The following CD8B2 variants were observed in gnomAD, a reference collection of about 807,000 sequenced individuals.
CD8B2 encodes the protein CD8B family member 2.
CD8B2 carries 11 observed loss-of-function variants against 23.7 expected under a neutral mutation model. That is an observed-to-expected ratio of 0.46 (90% CI 0.29 to 0.77). The LOEUF (loss-of-function observed/expected upper bound fraction) is 0.77. CD8B2 is among the 30% of genes least tolerant of loss of function. CD8B2 has a pLI of 0.09. For missense variants in CD8B2, 197 were observed against 270.5 expected, an observed-to-expected ratio of 0.73 and a Z score of 1.91; for synonymous variants, 90 against 109.3, an observed-to-expected ratio of 0.82 and a Z score of 1.10.
intron 2 of CD8B2, among the ~76,000 whole-genome samples, chr2:106,491,615 T>C (rs1246239403): frequency 6.6e-6 from 1 of 152,162 alleles, no homozygotes; most frequent in Non-Finnish European, 1.5e-5. Flanking sequence ...TGGTGCGATC[T>C]TGGCTCACTG....
intron 5 of CD8B2, among the ~76,000 whole-genome samples, chr2:106,504,843 G>C (rs1273841223): frequency 2.0e-5 from 3 of 152,092 alleles, no homozygotes; most frequent in Non-Finnish European, 4.4e-5. Context: ...ACCCTCATTT[G>C]ACAGATCAGT....
intron 5 of CD8B2, among the ~76,000 whole-genome samples, chr2:106,533,303 G>A (rs945373301): frequency 4.6e-5 from 7 of 152,168 alleles, no homozygotes; most frequent in African/African-American, 1.7e-4. Context: ...CATCTTTAAA[G>A]GAACAGGACG....
At chr2:106,528,639 T>C (rs1434305193) in intron 5 of CD8B2, among the ~76,000 whole-genome samples, 2 of 152,228 alleles carry the variant, frequency 1.3e-5, no homozygotes, top group African/African-American at 4.8e-5. Flanking sequence ...AAAAAGAGAA[T>C]AGCTCATGAA....
intron 5 of CD8B2, among the ~76,000 whole-genome samples, chr2:106,528,968 T>C (rs997049828): frequency 2.6e-5 from 4 of 152,124 alleles, no homozygotes; most frequent in African/African-American, 9.7e-5. Context: ...AGTTTCCTGA[T>C]ATAGCGCCTT....
chr2:106,495,357 C>A (rs1679278953), intron 2 of CD8B2, among the ~76,000 whole-genome samples: 1 of 152,074 alleles, frequency 6.6e-6, no homozygotes, highest in South Asian at 2.1e-4. Flanking sequence ...CCCGTCTCTA[C>A]TAAAAATACA....
chr2:106,490,880 A>G lies in CD8B2; in HGVS notation c.50A>G (p.His17Arg), dbSNP rs988291498. The change falls in exon 2 of 6, where the codon CAT becomes CGT. Residue 17 changes from histidine to arginine, a missense_variant. His to Arg is a conservative substitution (Grantham distance 29). This residue lies in a region of CD8B2 where 140 missense variants were observed against 164.2 expected (regional missense o/e 0.85). Coordinates refer to ENST00000643224, the MANE Select transcript of CD8B2 (RefSeq NM_001349727.2). ...LLLAAQLTVL[H>R]GNSVLQQTPA... The stretch of plus-strand genomic sequence containing the variant: ...TGTTCTTGGCTTTTCCTAGTTCTCC[A>G]TGGCAACTCAGTCCTCCAGCAGACC... 7.6e-6 allele frequency: 12 copies of G among 1,571,836 alleles called. No homozygotes were observed. The highest frequency in any genetic ancestry group is 6.7e-5 in the East Asian group (3 of 44,468).
At chr2:106,539,698 C>T (rs1188927666) in intron 5 of CD8B2, among the ~76,000 whole-genome samples, 1 of 152,212 alleles carries the variant, frequency 6.6e-6, no homozygotes, top group Non-Finnish European at 1.5e-5. Flanking sequence ...ATGCATCAAA[C>T]TTCAAAATAT....
At chr2:106,501,839 A>G (rs988940451) in intron 3 of CD8B2, among the ~76,000 whole-genome samples, 5 of 152,254 alleles carry the variant, frequency 3.3e-5, no homozygotes, top group African/African-American at 9.6e-5. Context: ...ATGTCTTACA[A>G]TGAAAATATA....
At chr2:106,506,360 T>TG (rs896117012) in intron 5 of CD8B2, among the ~76,000 whole-genome samples, 2 of 151,972 alleles carry the variant, frequency 1.3e-5, no homozygotes, top group Non-Finnish European at 2.9e-5. Flanking sequence ...TGGGTGGTCG[T>TG]GGGGGGACCC....
chr2:106,528,994 G>T (rs530592590), intron 5 of CD8B2, among the ~76,000 whole-genome samples: 73 of 152,280 alleles, frequency 4.8e-4, no homozygotes, highest in Non-Finnish European at 8.5e-4. Context: ...TCCTGGCAAG[G>T]GTAGAGTGAT....
At chr2:106,492,131 G>A (rs943220903) in intron 2 of CD8B2, among the ~76,000 whole-genome samples, 1 of 151,768 alleles carries the variant, frequency 6.6e-6, no homozygotes, top group Non-Finnish European at 1.5e-5. Context: ...GCCAGGCCCA[G>A]CTCTGCTTGC....
chr2:106,538,511 A>T (rs1376158530), intron 5 of CD8B2, among the ~76,000 whole-genome samples: 1 of 152,090 alleles, frequency 6.6e-6, no homozygotes, highest in Non-Finnish European at 1.5e-5. Context: ...AATAAGGGTG[A>T]CTGTGAATCT....
At chr2:106,504,381 A>G in intron 5 of CD8B2, 56 bp downstream of exon 5, 1 of 1,553,776 alleles carries the variant, frequency 6.4e-7, no homozygotes, top group Non-Finnish European at 8.7e-7. Flanking sequence ...TGCAGCTTGC[A>G]GCCTCTAACT....
At chr2:106,539,207 G>A (rs1680136495) in intron 5 of CD8B2, among the ~76,000 whole-genome samples, 2 of 152,322 alleles carry the variant, frequency 1.3e-5, no homozygotes, top group African/African-American at 4.8e-5. Flanking sequence ...CGGGGCCCAT[G>A]TGTGGGTCTC....
downstream of CD8B2, among the ~76,000 whole-genome samples, chr2:106,512,116 C>T (rs527834149): frequency 2.0e-5 from 3 of 152,236 alleles, no homozygotes; most frequent in Non-Finnish European, 4.4e-5. Flanking sequence ...TGCTCTGTCA[C>T]CCAGGGTGGA....
intron 5 of CD8B2, among the ~76,000 whole-genome samples, chr2:106,518,453 G>A (rs563583838): frequency 6.6e-6 from 1 of 152,238 alleles, no homozygotes; most frequent in Admixed American, 6.5e-5. Flanking sequence ...AAAGTGATAG[G>A]TTCTGAGCCC....
chr2:106,541,816 C>A (rs1009898428), intron 5 of CD8B2, among the ~76,000 whole-genome samples: 1 of 152,142 alleles, frequency 6.6e-6, no homozygotes, highest in African/African-American at 2.4e-5. Flanking sequence ...GAATAGAGAA[C>A]CTACCAACAT....
At chr2:106,524,685 T>C (rs1679883364) in intron 5 of CD8B2, among the ~76,000 whole-genome samples, 1 of 152,206 alleles carries the variant, frequency 6.6e-6, no homozygotes, top group Non-Finnish European at 1.5e-5. Context: ...GTATATTCTC[T>C]TAGTGGTCTC....
chr2:106,494,127 G>T (rs776587100), intron 2 of CD8B2, among the ~76,000 whole-genome samples: 2 of 151,466 alleles, frequency 1.3e-5, no homozygotes, highest in African/African-American at 2.4e-5. Context: ...GGCTTCCCCT[G>T]CCTGTTCCCC....
Sources: gnomAD v4.1 joint callset for allele counts (sites outside exome capture counted in the v4.1 genomes callset) on GRCh38, gnomAD v4.1.1 for gene constraint, gnomAD v4.1.1 regional missense constraint, MANE v1.5 for transcripts, NCBI Gene and HGNC (gene_info 2026-07-23, HGNC 2026-07-21) for gene names.